AKR1C8: variants seen among roughly 807,000 people sequenced by gnomAD.
The protein encoded by AKR1C8 is aldo-keto reductase family 1 member C8, also known as aldo-keto reductase family 1 member C-like protein 1.
At chr10:5,169,390 G>C in the AKR1C8 span, among the ~76,000 whole-genome samples, 2 of 152,304 alleles carry the variant, frequency 1.3e-5, no homozygotes, top group East Asian at 3.9e-4. Flanking sequence ...GGAGCAACAC[G>C]GTCTGTAGAT....
chr10:5,143,790 C>T, the AKR1C8 span, among the ~76,000 whole-genome samples: 1 of 148,998 alleles, frequency 6.7e-6, no homozygotes, highest in Admixed American at 6.7e-5. Flanking sequence ...AGAATTTTAA[C>T]CATATTGATT....
the AKR1C8 span, among the ~76,000 whole-genome samples, chr10:5,150,304 G>A: frequency 0.031 from 4,788 of 152,080 alleles, 259 homozygotes; most frequent in African/African-American, 0.11. Context: ...ATTGTCTTTG[G>A]ATGACAAAAT....
At chr10:5,127,140 G>A in the AKR1C8 span, among the ~76,000 whole-genome samples, 1 of 151,934 alleles carries the variant, frequency 6.6e-6, no homozygotes. Context: ...TAAAATACCA[G>A]ATAATGAATT....
the AKR1C8 span, among the ~76,000 whole-genome samples, chr10:5,179,077 T>C: frequency 2.6e-5 from 4 of 152,208 alleles, no homozygotes; most frequent in African/African-American, 9.6e-5. Flanking sequence ...CTAGCCTCGA[T>C]GGTCTTTACA....
chr10:5,157,519 T>A, the AKR1C8 span: 1 of 350,426 alleles, frequency 2.9e-6, no homozygotes. Flanking sequence ...CCTCCTCCCT[T>A]AGCACAGAGT....
At chr10:5,176,096 T>G in the AKR1C8 span, among the ~76,000 whole-genome samples, 1 of 151,234 alleles carries the variant, frequency 6.6e-6, no homozygotes, top group Non-Finnish European at 1.5e-5. Flanking sequence ...TCTTCTAGGG[T>G]TTTTATGGTT....
chr10:5,159,776 C>T, the AKR1C8 span: 4 of 457,096 alleles, frequency 8.8e-6, no homozygotes, highest in African/African-American at 8.6e-5. Context: ...GAGAAAAGAA[C>T]TCTCATCTAC....
the AKR1C8 span, among the ~76,000 whole-genome samples, chr10:5,178,617 G>C: frequency 6.6e-6 from 1 of 152,188 alleles, no homozygotes; most frequent in Non-Finnish European, 1.5e-5. Flanking sequence ...GGGAATCTAA[G>C]TCTCTTTGTA....
At chr10:5,137,680 C>T in the AKR1C8 span, among the ~76,000 whole-genome samples, 4,791 of 152,190 alleles carry the variant, frequency 0.031, 251 homozygotes, top group African/African-American at 0.11. Flanking sequence ...ATTGGGGCAA[C>T]TTGCCCCCAA....
At chr10:5,171,438 C>A in the AKR1C8 span, among the ~76,000 whole-genome samples, 1 of 151,944 alleles carries the variant, frequency 6.6e-6, no homozygotes, top group East Asian at 1.9e-4. Context: ...GGGACACATA[C>A]AATAATGTAT....
chr10:5,165,565 T>C, the AKR1C8 span, among the ~76,000 whole-genome samples: 9 of 152,306 alleles, frequency 5.9e-5, no homozygotes, highest in Admixed American at 4.6e-4. Context: ...GAGAAACAAA[T>C]TCTAGCCTCA....
chr10:5,170,420 T>C, the AKR1C8 span, among the ~76,000 whole-genome samples: 79,960 of 151,928 alleles, frequency 0.53, 22,057 homozygotes, highest in Non-Finnish European at 0.6. Flanking sequence ...TAATTATTTG[T>C]ATACAGTGCA....
At chr10:5,138,793 T>G in the AKR1C8 span, among the ~76,000 whole-genome samples, 1 of 151,890 alleles carries the variant, frequency 6.6e-6, no homozygotes, top group Non-Finnish European at 1.5e-5. Flanking sequence ...CCACTCCTAT[T>G]CAACATAGGA....
the AKR1C8 span, among the ~76,000 whole-genome samples, chr10:5,182,842 G>A: frequency 8.6e-5 from 13 of 151,860 alleles, no homozygotes; most frequent in South Asian, 2.1e-4. Flanking sequence ...CCCAGGAGGC[G>A]GAGGTTGTAG....
the AKR1C8 span, among the ~76,000 whole-genome samples, chr10:5,136,576 T>A: frequency 6.6e-6 from 1 of 152,192 alleles, no homozygotes; most frequent in Non-Finnish European, 1.5e-5. Context: ...TGTTGTTTTT[T>A]GACATTTTAA....
At chr10:5,166,965 T>C in the AKR1C8 span, among the ~76,000 whole-genome samples, 2 of 148,066 alleles carry the variant, frequency 1.4e-5, no homozygotes, top group South Asian at 2.1e-4. Flanking sequence ...CATCAAAAAG[T>C]GGGCAAAGGA....
At chr10:5,157,603 CT>C in the AKR1C8 span, 1 of 461,060 alleles carries the variant, frequency 2.2e-6, no homozygotes, top group East Asian at 7.0e-5. Flanking sequence ...GCACCCATGG[CT>C]CACTCTGGAG....
chr10:5,157,961 A>G, the AKR1C8 span, among the ~76,000 whole-genome samples: 2 of 152,250 alleles, frequency 1.3e-5, no homozygotes, highest in African/African-American at 2.4e-5. Flanking sequence ...TCATTCATAA[A>G]TGCAGTGAAC....
the AKR1C8 span, chr10:5,158,509 A>G: frequency 7.4e-6 from 3 of 402,720 alleles, no homozygotes; most frequent in East Asian, 7.3e-5. Flanking sequence ...GAGCTTTTTT[A>G]TAATACAATT....
Sources: allele counts gnomAD v4.1 joint callset (sites outside exome capture counted in the v4.1 genomes callset), GRCh38; gene constraint gnomAD v4.1.1; transcripts MANE v1.5; gene names NCBI Gene and HGNC (gene_info 2026-07-23, HGNC 2026-07-21).